PCDH15: variants seen among roughly 807,000 people sequenced by gnomAD.
PCDH15 encodes the protein protocadherin related 15.
In PCDH15, 129 loss-of-function variants were observed where a neutral mutation model predicts 178.5. That is an observed-to-expected ratio of 0.72 (90% CI 0.63 to 0.84). The LOEUF is 0.84. Ranked by LOEUF, PCDH15 falls within the 40% of genes least tolerant of loss-of-function variation. The pLI, the probability that PCDH15 is intolerant of heterozygous loss-of-function variation, is 0.00. For synonymous variants in PCDH15, 800 were observed against 732.0 expected (o/e 1.09, Z -1.50); for missense variants, 2,230 against 2,099.9 (o/e 1.06, Z -1.21).
At chr10:55,523,101 T>C in intron 2 of PCDH15, among the ~76,000 whole-genome samples, 1 of 151,614 alleles carries the variant, frequency 6.6e-6, no homozygotes, top group East Asian at 1.9e-4. Flanking sequence ...GAGTAATCTT[T>C]TTTGGGTTGA....
intron 8 of PCDH15, among the ~76,000 whole-genome samples, chr10:54,288,957 C>G (rs1017242244): frequency 6.6e-6 from 1 of 152,246 alleles, no homozygotes; most frequent in Non-Finnish European, 1.5e-5. Context: ...CAAAAAGCAG[C>G]AGGCAACTTC....
chr10:55,391,962 A>G (rs1588981362), intron 2 of PCDH15, among the ~76,000 whole-genome samples: 1 of 152,132 alleles, frequency 6.6e-6, no homozygotes, highest in African/African-American at 2.4e-5. Flanking sequence ...CTTTCATTGC[A>G]ACTCTTAGAG....
intron 2 of PCDH15, among the ~76,000 whole-genome samples, chr10:55,518,398 A>T (rs535340307): frequency 6.6e-6 from 1 of 152,094 alleles, no homozygotes; most frequent in South Asian, 2.1e-4. Flanking sequence ...CTGTCATCTC[A>T]GACAAACACC....
chr10:55,052,157 C>G (rs540358908), intron 2 of PCDH15, among the ~76,000 whole-genome samples: 1 of 150,878 alleles, frequency 6.6e-6, no homozygotes, highest in East Asian at 2.0e-4. Flanking sequence ...GTTGGATCTC[C>G]GCTCACTGCA....
At chr10:53,813,948 C>T (rs534767865) in intron 35 of PCDH15, among the ~76,000 whole-genome samples, 41 of 151,814 alleles carry the variant, frequency 2.7e-4, no homozygotes, top group African/African-American at 8.5e-4. Flanking sequence ...TTCTTATGGG[C>T]GTAGGTTTTA....
rs150770700 is a variant in PCDH15, at chr10:54,715,474, C to T, written c.-28-51184G>A. Among the ~76,000 whole-genome samples, 13 of 152,182 alleles carry T rather than the reference C, an allele frequency of 8.5e-5. No homozygotes were observed. The East Asian group carries it at 2.5e-3, about 29-fold the overall frequency. On this transcript the variant is annotated intron_variant, in intron 1 of 37. Coordinates refer to ENST00000644397, the MANE Select transcript of PCDH15 (RefSeq NM_001384140.1). ...AAGATTGACACTGTGAGCTTTAATTCACGAAGGAAAGTGGGAATTCACCAG... is the reference window on the plus strand; with the variant it reads ...AAGATTGACACTGTGAGCTTTAATTTACGAAGGAAAGTGGGAATTCACCAG...
intron 26 of PCDH15, among the ~76,000 whole-genome samples, chr10:53,871,957 C>G (rs887966241): frequency 7.2e-5 from 11 of 152,040 alleles, no homozygotes; most frequent in African/African-American, 2.7e-4. Context: ...ACCAGCCTGA[C>G]CAATATGGAG....
At chr10:55,626,110 G>A (rs1379721732) in intron 2 of PCDH15, among the ~76,000 whole-genome samples, 1 of 151,860 alleles carries the variant, frequency 6.6e-6, no homozygotes, top group African/African-American at 2.4e-5. Context: ...AGTTCAGACT[G>A]GAAGCTACAA....
intron 2 of PCDH15, among the ~76,000 whole-genome samples, chr10:54,637,803 T>C (rs546222924): frequency 6.6e-6 from 1 of 152,224 alleles, no homozygotes; most frequent in East Asian, 1.9e-4. Flanking sequence ...ATCCAGTGTT[T>C]TTAATGAGCT....
At chr10:55,504,654 A>T (rs1232559673) in intron 2 of PCDH15, among the ~76,000 whole-genome samples, 5 of 151,388 alleles carry the variant, frequency 3.3e-5, no homozygotes, top group Non-Finnish European at 7.4e-5. Context: ...AATACATATC[A>T]AATGGTAACA....
chr10:54,402,187 T>TA (rs2135490788), intron 3 of PCDH15, among the ~76,000 whole-genome samples: 1 of 151,872 alleles, frequency 6.6e-6, no homozygotes, highest in African/African-American at 2.4e-5. Flanking sequence ...GTGTTCAAGA[T>TA]AAAAAATATT....
intron 1 of PCDH15, among the ~76,000 whole-genome samples, chr10:55,291,912 G>T (rs1843017558): frequency 6.6e-6 from 1 of 151,900 alleles, no homozygotes; most frequent in African/African-American, 2.4e-5. Context: ...ACTAGATCTT[G>T]TGAAGCTTAT....
intron 37 of PCDH15, chr10:53,809,276 T>A: frequency 6.2e-7 from 1 of 1,613,984 alleles, no homozygotes; most frequent in Non-Finnish European, 8.5e-7. Context: ...GTGCTTTCTG[T>A]TGCTTCCTCT....
chr10:54,277,076 T>C (rs1474468526), intron 8 of PCDH15, among the ~76,000 whole-genome samples: 2 of 151,598 alleles, frequency 1.3e-5, no homozygotes, highest in East Asian at 3.9e-4. Flanking sequence ...CTGAAAAGCA[T>C]GGAGGTGTTG....
Position 54,346,380 on chromosome 10 carries a change from A to G in PCDH15, c.579T>C (p.Tyr193=). 2 of 1,613,312 alleles carry G rather than the reference A, an allele frequency of 1.2e-6. No individual in the cohort carries two copies. The highest frequency in any genetic ancestry group is 1.7e-6 in the Non-Finnish European group (2 of 1,179,360). Residue 193 remains tyrosine (Y), a synonymous_variant, in exon 6 of 38, where the codon TAT becomes TAC. Transcript: ENST00000644397. ...ATTTACATACCGGATCATCTGGATTATACTGAATAACATACTCTATCTGTC... is the reference window on the plus strand; with the variant it reads ...ATTTACATACCGGATCATCTGGATTGTACTGAATAACATACTCTATCTGTC... ...PNGQIEYVIQ[Y]NPDDPTSNDT...
chr10:54,214,740 G>A (rs571879627), intron 9 of PCDH15, among the ~76,000 whole-genome samples: 12 of 152,076 alleles, frequency 7.9e-5, no homozygotes, highest in Non-Finnish European at 1.8e-4. Context: ...ATAGGCGTGT[G>A]CCACCATGCC....
intron 2 of PCDH15, among the ~76,000 whole-genome samples, chr10:54,588,920 T>C (rs1451949440): frequency 6.6e-6 from 1 of 152,114 alleles, no homozygotes; most frequent in East Asian, 1.9e-4. Context: ...TGCTAGCTAG[T>C]GGAAAAAAAT....
intron 2 of PCDH15, among the ~76,000 whole-genome samples, chr10:54,635,879 T>C (rs1245801080): frequency 5.3e-5 from 8 of 151,812 alleles, no homozygotes; most frequent in Admixed American, 1.3e-4. Flanking sequence ...ATTATGGTCA[T>C]ATATCACTTG....
intron 3 of PCDH15, among the ~76,000 whole-genome samples, chr10:54,438,016 A>G (rs2075538627): frequency 6.6e-6 from 1 of 152,250 alleles, no homozygotes; most frequent in South Asian, 2.1e-4. Context: ...GAAAGACAAT[A>G]AATCTATTTT....
Sources: gnomAD v4.1 joint callset for allele counts (sites outside exome capture counted in the v4.1 genomes callset) on GRCh38, gnomAD v4.1.1 for gene constraint, MANE v1.5 for transcripts, NCBI Gene and HGNC (gene_info 2026-07-23, HGNC 2026-07-21) for gene names.